MAL2: variants seen among roughly 807,000 people sequenced by gnomAD.
The protein encoded by MAL2 is protein MAL2.
A neutral mutation model predicts 18.1 loss-of-function variants in MAL2; 17 were observed. That is an observed-to-expected ratio of 0.94 (90% CI 0.64 to 1.41). MAL2 has a LOEUF of 1.41. Ranked by LOEUF, MAL2 falls within the 40% of genes most tolerant of loss-of-function variation. MAL2 has a pLI of 0.00. For synonymous variants in MAL2, 102 were observed against 102.3 expected (o/e 1.00, Z 0.02); for missense variants, 222 against 231.9 (o/e 0.96, Z 0.28).
At chr8:119,218,875 C>G (rs1041880213) in intron 1 of MAL2, among the ~76,000 whole-genome samples, 2 of 152,096 alleles carry the variant, frequency 1.3e-5, no homozygotes, top group African/African-American at 4.8e-5. Context: ...CATAGGTTCT[C>G]AGGAAATAAC....
In MAL2 at chr8:119,213,603, G is replaced by C. The variant is rs111608223; in HGVS notation, c.132+4999G>C. Among the ~76,000 whole-genome samples the C allele has an allele frequency of 2.4e-3, 368 of 152,238 alleles. 4 individuals carry two copies. The highest frequency in any genetic ancestry group is 8.6e-3 in the African/African-American group (358 of 41,540). On this transcript the variant is annotated intron_variant, in intron 1 of 3. Transcript: ENST00000614891. ...GGAGGCTGAAGCAGGTGGATCACCT[G>C]AGGTCAGGAGTTCAAGACCAGCCTG...
At chr8:119,235,559 T>A (rs1817867038) in intron 2 of MAL2, among the ~76,000 whole-genome samples, 1 of 151,816 alleles carries the variant, frequency 6.6e-6, no homozygotes, top group Non-Finnish European at 1.5e-5. Flanking sequence ...AAAGGTCGGG[T>A]TACCCTCAAA....
At chr8:119,242,856 A>G (rs1273988100) in intron 3 of MAL2, among the ~76,000 whole-genome samples, 1 of 152,236 alleles carries the variant, frequency 6.6e-6, no homozygotes, top group African/African-American at 2.4e-5. Context: ...AGTGATATAC[A>G]CACAGTTGGT....
chr8:119,240,223 C>T lies in MAL2; in HGVS notation c.362C>T (p.Ala121Val). 1 of 1,613,664 alleles carries T rather than the reference C, an allele frequency of 6.2e-7. No individual in the cohort carries two copies. The highest frequency in any genetic ancestry group is 8.5e-7 in the Non-Finnish European group (1 of 1,179,798). Residue 121 changes from alanine (A) to valine (V), a missense_variant, in exon 3 of 4, where the codon GCA (alanine) becomes GTA (valine). Ala to Val is a moderately conservative substitution (Grantham distance 64, BLOSUM62 0). Transcript: ENST00000614891. Reference protein sequence around the residue: ...VFYFGAFLLEAAATSLHDLHC... With the variant: ...VFYFGAFLLEVAATSLHDLHC... ...TATTTTGGAGCCTTTTTATTGGAAGCAGCAGCCACATCCCTGCATGATTTG... is the reference window on the plus strand; with the variant it reads ...TATTTTGGAGCCTTTTTATTGGAAGTAGCAGCCACATCCCTGCATGATTTG...
intron 1 of MAL2, among the ~76,000 whole-genome samples, chr8:119,216,250 G>A (rs1817352181): frequency 6.6e-6 from 1 of 152,074 alleles, no homozygotes; most frequent in South Asian, 2.1e-4. Context: ...GAAATCATAT[G>A]GAATATGGGT....
intron 1 of MAL2, among the ~76,000 whole-genome samples, chr8:119,210,135 GTCTTT>G (rs979535230): frequency 1.1e-4 from 16 of 152,050 alleles, no homozygotes; most frequent in Admixed American, 9.8e-4. Flanking sequence ...CAGTACTTTT[GTCTTT>G]TCTTAAGCAA....
At chr8:119,210,912 G>A (rs180894163) in intron 1 of MAL2, among the ~76,000 whole-genome samples, 96 of 152,112 alleles carry the variant, frequency 6.3e-4, no homozygotes, top group South Asian at 6.2e-4. Context: ...TGACCAAAAT[G>A]TTCCAATGAA....
intron 3 of MAL2, among the ~76,000 whole-genome samples, chr8:119,242,232 T>C (rs1818062357): frequency 6.6e-6 from 1 of 152,186 alleles, no homozygotes; most frequent in Non-Finnish European, 1.5e-5. Context: ...AGGTCTTTAA[T>C]TTGTCACCTT....
At chr8:119,237,406 G>T (rs575639146) in intron 2 of MAL2, among the ~76,000 whole-genome samples, 1 of 151,480 alleles carries the variant, frequency 6.6e-6, no homozygotes, top group African/African-American at 2.4e-5. Context: ...CCAATCAATA[G>T]AAAAAGAGGG....
intron 2 of MAL2, among the ~76,000 whole-genome samples, chr8:119,239,410 C>A (rs1010679493): frequency 6.6e-6 from 1 of 151,822 alleles, no homozygotes; most frequent in African/African-American, 2.4e-5. Context: ...TTTGACCCAG[C>A]CATCCCATTA....
intron 1 of MAL2, among the ~76,000 whole-genome samples, chr8:119,219,844 G>A (rs1356534540): frequency 1.3e-5 from 2 of 152,158 alleles, no homozygotes; most frequent in Admixed American, 6.5e-5. Flanking sequence ...CCAGAGGAGG[G>A]AGGCATAACT....
chr8:119,231,075 A>G (rs989396557), intron 2 of MAL2, among the ~76,000 whole-genome samples: 4 of 151,912 alleles, frequency 2.6e-5, no homozygotes, highest in African/African-American at 7.3e-5. Flanking sequence ...TCTGTTGTCC[A>G]GGCTGGAGTG....
chr8:119,231,037 TTTTG>T (rs1417389187), intron 2 of MAL2, among the ~76,000 whole-genome samples: 18 of 152,096 alleles, frequency 1.2e-4, no homozygotes, highest in South Asian at 4.2e-4. Flanking sequence ...TTTTTTTATT[TTTTG>T]TTTGTTTTGA....
In MAL2 at chr8:119,240,235, C is replaced by A. The variant is rs749996607; in HGVS notation, c.374C>A (p.Ser125Tyr). ...GAFLLEAAAT[S>Y]LHDLHCNTTI... is the part of the protein sequence containing the mutation. The stretch of plus-strand genomic sequence containing the variant: ...TTTTTATTGGAAGCAGCAGCCACAT[C>A]CCTGCATGATTTGCATTGCAATACA... The change falls in exon 3 of 4, where the codon TCC becomes TAC. Residue 125 changes from serine (S) to tyrosine (Y), a missense_variant. Transcript: ENST00000614891. The A allele has an allele frequency of 1.2e-6, 2 of 1,613,686 alleles. No homozygotes were observed. Among genetic ancestry groups the A allele is most frequent in the Admixed American group, 3.3e-5 (2 of 59,926 alleles).
At chr8:119,213,326 TTG>T (rs150842363) in intron 1 of MAL2, among the ~76,000 whole-genome samples, 2,241 of 152,264 alleles carry the variant, frequency 0.015, 34 homozygotes, top group Non-Finnish European at 0.023. Context: ...ACTGAGAGCT[TTG>T]ACTTTGGACT....
At chr8:119,232,482 TAAG>T (rs1445574438) in intron 2 of MAL2, among the ~76,000 whole-genome samples, 1 of 152,184 alleles carries the variant, frequency 6.6e-6, no homozygotes, top group Non-Finnish European at 1.5e-5. Flanking sequence ...TTAATTCAGG[TAAG>T]ACAATATGAA....
intron 1 of MAL2, among the ~76,000 whole-genome samples, chr8:119,216,460 C>CA (rs1450404353): frequency 2.0e-5 from 3 of 152,152 alleles, no homozygotes; most frequent in African/African-American, 7.2e-5. Context: ...TGTTGTCTCT[C>CA]AAGGTCTGTG....
chr8:119,225,594 CT>C (rs1194587083), intron 2 of MAL2, among the ~76,000 whole-genome samples: 1 of 152,156 alleles, frequency 6.6e-6, no homozygotes, highest in African/African-American at 2.4e-5. Flanking sequence ...GTGCATGTGT[CT>C]TTATAGCAGC....
chr8:119,225,612 T>C (rs941314206), intron 2 of MAL2, among the ~76,000 whole-genome samples: 1 of 152,234 alleles, frequency 6.6e-6, no homozygotes, highest in African/African-American at 2.4e-5. Context: ...CAGCATGTTT[T>C]ATAATCCTTT....
Sources: allele counts gnomAD v4.1 joint callset (sites outside exome capture counted in the v4.1 genomes callset), GRCh38; gene constraint gnomAD v4.1.1; transcripts MANE v1.5; gene names NCBI Gene and HGNC (gene_info 2026-07-23, HGNC 2026-07-21).